PPFIBP2: variants seen among roughly 807,000 people sequenced by gnomAD.
PPFIBP2 encodes PPFIB scaffold protein 2.
Under a neutral mutation model 118.3 loss-of-function variants are expected in PPFIBP2, and 118 were observed. That is an observed-to-expected ratio of 1.00 (90% CI 0.86 to 1.16). The LOEUF is 1.16. Among genes scored for constraint, PPFIBP2 ranks in the 50% most tolerant of loss-of-function variants. The probability of loss-of-function intolerance (pLI) is 0.00; values close to 1 mark genes in which losing one functional copy is unlikely to be tolerated. For missense variants in PPFIBP2, 1,195 were observed against 1,073.1 expected (o/e 1.11, Z -1.59); for synonymous variants, 414 against 397.4 (o/e 1.04, Z -0.50).
At chr11:7,612,196 T>C (rs1848147653) in intron 6 of PPFIBP2, among the ~76,000 whole-genome samples, 1 of 152,248 alleles carries the variant, frequency 6.6e-6, no homozygotes, top group Admixed American at 6.5e-5. Context: ...CTGGTTCTGC[T>C]TTAGCCTTAT....
chr11:7,645,707 G>A (rs781481634), intron 17 of PPFIBP2, among the ~76,000 whole-genome samples: 1 of 152,124 alleles, frequency 6.6e-6, no homozygotes, highest in Non-Finnish European at 1.5e-5. Context: ...GAAGACTACT[G>A]GAGATGATGC....
chr11:7,619,950 C>A (rs1565070436), intron 6 of PPFIBP2, among the ~76,000 whole-genome samples: 1 of 152,136 alleles, frequency 6.6e-6, no homozygotes, highest in Admixed American at 6.5e-5. Flanking sequence ...AAGTAATTAT[C>A]TTTATGCCAG....
intron 3 of PPFIBP2, among the ~76,000 whole-genome samples, 164 bp from the exon 4 acceptor site, chr11:7,592,968 T>C (rs75769481): frequency 1.4e-3 from 217 of 152,382 alleles, no homozygotes; most frequent in African/African-American, 5.0e-3. Context: ...GTTCTCCTCA[T>C]GGTAGTTTTG....
chr11:7,610,275 CT>C lies in PPFIBP2; in HGVS notation c.487-15del, dbSNP rs1482855530. ...CCATAGTGGTTTCTGATTTCGAGATCTGTTTTTGCTTGCAGGAGCTGCTAAG... is the reference window on the plus strand; with the variant it reads ...CCATAGTGGTTTCTGATTTCGAGATCGTTTTTGCTTGCAGGAGCTGCTAAG... On this transcript the variant is annotated splice_polypyrimidine_tract_variant and intron_variant, in intron 5 of 23. Coordinates refer to ENST00000299492, the MANE Select transcript of PPFIBP2 (RefSeq NM_003621.5). The C allele has an allele frequency of 4.3e-6, 7 of 1,612,036 alleles. No individual in the cohort carries two copies. The highest frequency in any genetic ancestry group is 5.9e-6 in the Non-Finnish European group (7 of 1,178,226).
intron 6 of PPFIBP2, among the ~76,000 whole-genome samples, chr11:7,614,503 TATTTA>T (rs1167987030): frequency 2.0e-5 from 3 of 152,372 alleles, no homozygotes; most frequent in Middle Eastern, 3.4e-3. Context: ...TAGCCTAATT[TATTTA>T]ATCAGTCGTC....
At chr11:7,576,255 G>A (rs1248706872) in intron 3 of PPFIBP2, among the ~76,000 whole-genome samples, 1 of 152,218 alleles carries the variant, frequency 6.6e-6, no homozygotes, top group East Asian at 1.9e-4. Context: ...CAGAGCTCGG[G>A]GCCTTGCGTG....
chr11:7,558,494 C>T (rs1259262792), intron 2 of PPFIBP2, among the ~76,000 whole-genome samples: 1 of 152,234 alleles, frequency 6.6e-6, no homozygotes, highest in African/African-American at 2.4e-5. Flanking sequence ...CGGTGGCTCA[C>T]GCCTATATCC....
At chr11:7,574,202 T>C (rs1855996970) in intron 3 of PPFIBP2, among the ~76,000 whole-genome samples, 1 of 152,186 alleles carries the variant, frequency 6.6e-6, no homozygotes, top group Non-Finnish European at 1.5e-5. Flanking sequence ...TTGCAGGCAG[T>C]AATGAATCTG....
At chr11:7,605,792 G>A (rs1847268310) in intron 5 of PPFIBP2, 2 of 1,390,964 alleles carry the variant, frequency 1.4e-6, no homozygotes, top group East Asian at 2.7e-5. Flanking sequence ...AGAAGATTGT[G>A]GCCAGAGGAG....
intron 12 of PPFIBP2, among the ~76,000 whole-genome samples, chr11:7,633,774 G>A (rs1851084625): frequency 6.6e-6 from 1 of 152,234 alleles, no homozygotes; most frequent in Admixed American, 6.5e-5. Flanking sequence ...TGAGTTCACT[G>A]AGGGAAAGGT....
At chr11:7,553,269 A>C (rs1321404982) in intron 2 of PPFIBP2, among the ~76,000 whole-genome samples, 1 of 152,294 alleles carries the variant, frequency 6.6e-6, no homozygotes, top group Non-Finnish European at 1.5e-5. Context: ...CCCATGAACC[A>C]TCCCTGAAGT....
At chr11:7,576,447 T>TGCTGGA (rs1041961118) in intron 3 of PPFIBP2, 1 of 151,974 alleles carries the variant, frequency 6.6e-6, no homozygotes, top group African/African-American at 2.4e-5. Context: ...ATCTAGGGAG[T>TGCTGGA]GCTGGAGGGG....
At position 7,632,867 on chromosome 11, in the gene PPFIBP2, A is replaced by G; in HGVS notation, c.1069A>G (p.Met357Val). The G allele has an allele frequency of 6.2e-7, 1 of 1,613,108 alleles. No individual in the cohort carries two copies. Among genetic ancestry groups the G allele is most frequent in the Non-Finnish European group, 8.5e-7 (1 of 1,179,080 alleles). ...KDPEELFKQE[M>V]PPRCSSPTVG... ...CGTGACTCTTCTGTCTCTGGTGCAG[A>G]TGCCTCCAAGATGTAGCTCTCCTAC... Residue 357 changes from methionine (M) to valine (V), a missense_variant and splice_region_variant, in exon 12 of 24, where the codon ATG becomes GTG. By Grantham distance (21) the Met-to-Val change is conservative (BLOSUM62 1). Coordinates refer to ENST00000299492, the MANE Select transcript of PPFIBP2 (RefSeq NM_003621.5).
chr11:7,635,505 A>T (rs772200215), intron 13 of PPFIBP2, 47 bp from the exon 14 acceptor site: 1 of 1,551,780 alleles, frequency 6.4e-7, no homozygotes, highest in Non-Finnish European at 8.9e-7. Flanking sequence ...TGAATAACAC[A>T]AGTCTCTTTT....
At chr11:7,519,700 G>A (rs72848063) in intron 1 of PPFIBP2, among the ~76,000 whole-genome samples, 13,345 of 152,168 alleles carry the variant, frequency 0.088, 697 homozygotes, top group African/African-American at 0.14. Context: ...ACAGCCGGAC[G>A]GAGACGATAA....
chr11:7,659,426 C>G (rs1428263618), downstream of PPFIBP2, among the ~76,000 whole-genome samples: 11 of 143,034 alleles, frequency 7.7e-5, no homozygotes, highest in South Asian at 4.7e-4. Context: ...GCTTGTTTTT[C>G]TCAGGTTTGT....
chr11:7,567,529 G>A (rs1157650323), intron 3 of PPFIBP2, among the ~76,000 whole-genome samples: 1 of 152,160 alleles, frequency 6.6e-6, no homozygotes, highest in Non-Finnish European at 1.5e-5. Context: ...CCTATGCATG[G>A]CGAAGCAAGT....
In PPFIBP2 at chr11:7,556,027, C is replaced by A. The variant is rs4482019; in HGVS notation, c.64+6488C>A. Reference sequence around the variant, plus strand: ...CTGAGGCTTTCCATTTTGTTATCATCAAGTTGGCCATTATATTTTATCTAA... The same window carrying A: ...CTGAGGCTTTCCATTTTGTTATCATAAAGTTGGCCATTATATTTTATCTAA... On this transcript the variant is annotated intron_variant, in intron 2 of 23. Coordinates refer to ENST00000299492, the MANE Select transcript of PPFIBP2 (RefSeq NM_003621.5). Among the ~76,000 whole-genome samples, 53 of 152,230 alleles carry A rather than the reference C, an allele frequency of 3.5e-4. 1 individual carries two copies. In the South Asian group the frequency reaches 0.011, roughly 30 times the overall value.
intron 1 of PPFIBP2, among the ~76,000 whole-genome samples, chr11:7,520,384 A>G (rs1409125542): frequency 6.6e-6 from 1 of 152,290 alleles, no homozygotes; most frequent in African/African-American, 2.4e-5. Context: ...GCACGCTGCT[A>G]GCACAACTGG....
Sources: allele counts gnomAD v4.1 joint callset (sites outside exome capture counted in the v4.1 genomes callset), GRCh38; gene constraint gnomAD v4.1.1; transcripts MANE v1.5; gene names NCBI Gene and HGNC (gene_info 2026-07-23, HGNC 2026-07-21).